The following NHSL1 variants were observed in gnomAD, a reference collection of about 807,000 sequenced individuals.
The protein encoded by NHSL1 is NHS like 1, also known as NHS-like protein 1.
In NHSL1, 48 loss-of-function variants were observed where a neutral mutation model predicts 95.0. The ratio of observed to expected loss-of-function variants is 0.51; its 90% CI spans 0.40 to 0.64. The LOEUF (loss-of-function observed/expected upper bound fraction) is 0.64. Ranked by LOEUF, NHSL1 falls within the 30% of genes least tolerant of loss-of-function variation. The pLI, the probability that NHSL1 is intolerant of heterozygous loss-of-function variation, is 0.00. For synonymous variants in NHSL1, 783 were observed against 833.9 expected, an observed-to-expected ratio of 0.94 and a Z score of 1.05; for missense variants, 1,971 against 2,077.7, an observed-to-expected ratio of 0.95 and a Z score of 1.00.
Position 138,692,167 on chromosome 6 carries a change from C to G in NHSL1, c.96+309G>C, listed in dbSNP as rs1480491223. The stretch of plus-strand genomic sequence containing the variant: ...TGGCTCTCCTCTGTCTACAGCGCCC[C>G]GGGGTCTCCCAAACAGACAGACACA... On this transcript the variant is annotated intron_variant, in intron 1 of 3. Coordinates refer to the NHSL1 transcript ENST00000491526. The surrounding 1 kb of genome is among the most constrained non-coding windows in gnomAD (Gnocchi z 4.0). The G allele has an allele frequency of 4.4e-6, 2 of 456,632 alleles. No homozygotes were observed. Among genetic ancestry groups the G allele is most frequent in the African/African-American group, 4.0e-5 (2 of 50,094 alleles). 28.3% of individuals were successfully genotyped at this position (456,632 alleles called of 1,614,324 possible).
upstream of NHSL1, among the ~76,000 whole-genome samples, chr6:138,573,166 G>A (rs1196706861): frequency 6.6e-6 from 1 of 152,112 alleles, no homozygotes; most frequent in Non-Finnish European, 1.5e-5. Flanking sequence ...CTACGCTAGT[G>A]GCACTTAGCT....
At position 138,432,134 on chromosome 6, in the gene NHSL1, C is replaced by T. The variant is rs941589847; in HGVS notation, c.2211G>A (p.Arg737=). 1 of 1,549,502 alleles carries T rather than the reference C, an allele frequency of 6.5e-7. No individual in the cohort carries two copies. Among genetic ancestry groups the T allele is most frequent in the Non-Finnish European group, 8.7e-7 (1 of 1,145,646 alleles). ...TGCCAGCACTAACTGTGCTCTGGCT[C>T]CGGGAGCGGGGCAGCCAGGGCTCTT... ...DLEEPWLPRS[R]SQSTVSAGSS... The change falls in exon 6 of 8, where the codon CGG becomes CGA. Residue 737 remains arginine, a synonymous_variant. Transcript: ENST00000343505. This position sits in a 1 kb window ranked among gnomAD's most constrained non-coding sequence, Gnocchi z 4.4.
intron 3 of NHSL1, among the ~76,000 whole-genome samples, chr6:138,469,245 ACGTACTATG>A (rs1446806304): frequency 6.6e-6 from 1 of 152,216 alleles, no homozygotes; most frequent in African/African-American, 2.4e-5. Context: ...GCAGCCAATC[ACGTACTATG>A]CGGATGCACA....
At chr6:138,551,687 T>C (rs748036820) in intron 1 of NHSL1, among the ~76,000 whole-genome samples, 1 of 152,180 alleles carries the variant, frequency 6.6e-6, no homozygotes, top group Non-Finnish European at 1.5e-5. Flanking sequence ...AATTATAGCA[T>C]TATAACTTTA....
chr6:138,546,506 G>A (rs2128328736), upstream of NHSL1, among the ~76,000 whole-genome samples: 1 of 151,190 alleles, frequency 6.6e-6, no homozygotes, highest in Admixed American at 6.6e-5. Flanking sequence ...CTACTTGGGA[G>A]GCTGAGGAGG....
intron 1 of NHSL1, among the ~76,000 whole-genome samples, chr6:138,654,770 A>G (rs549270595): frequency 6.6e-6 from 1 of 152,320 alleles, no homozygotes; most frequent in African/African-American, 2.4e-5. Flanking sequence ...AAAAAACACT[A>G]TTCCATGTAT....
intron 1 of NHSL1, among the ~76,000 whole-genome samples, chr6:138,631,078 TGAGGCACTGAACTCA>T (rs1784813124): frequency 6.6e-6 from 1 of 152,134 alleles, no homozygotes; most frequent in Non-Finnish European, 1.5e-5. Flanking sequence ...TCAGCAATTG[TGAGGCACTGAACTCA>T]GTGCTGCTCT....
upstream of NHSL1, among the ~76,000 whole-genome samples, chr6:138,503,036 C>T (rs917972667): frequency 6.6e-6 from 1 of 152,130 alleles, no homozygotes; most frequent in African/African-American, 2.4e-5. Flanking sequence ...TTGCTCTATA[C>T]CCCCTGCTTC....
chr6:138,523,512 T>C (rs911576801), intron 1 of NHSL1, among the ~76,000 whole-genome samples: 5 of 150,958 alleles, frequency 3.3e-5, no homozygotes, highest in African/African-American at 1.2e-4. Flanking sequence ...TCTCGCTACG[T>C]TGCCCAGGCT....
At chr6:138,552,627 T>G (rs1305631015) in intron 1 of NHSL1, among the ~76,000 whole-genome samples, 1 of 152,172 alleles carries the variant, frequency 6.6e-6, no homozygotes, top group East Asian at 1.9e-4. Flanking sequence ...TTTTTCTCTT[T>G]TTTTGTAAGA....
Position 138,639,797 on chromosome 6 carries a change from CAAAAAA to C in NHSL1, c.96+52673_96+52678del, listed in dbSNP as rs56909767. ...CAGGGGACAGAGTGAGACTCAGTCTCAAAAAAAAAAAAAAAAAAAAAAAAAAAAGTT... is the reference window on the plus strand; with the variant it reads ...CAGGGGACAGAGTGAGACTCAGTCTCAAAAAAAAAAAAAAAAAAAAAAGTT... On this transcript the variant is annotated intron_variant, in intron 1 of 3. Coordinates refer to the NHSL1 transcript ENST00000491526. Among the ~76,000 whole-genome samples the C allele has an allele frequency of 1.2e-3, 26 of 22,584 alleles. No individual in the cohort carries two copies. In the East Asian group the frequency reaches 0.021, roughly 18 times the overall value. 14.8% of individuals were successfully genotyped at this position (22,584 alleles called of 152,430 possible). A position where few individuals can be genotyped will look rare whatever the true frequency, so the allele number is the denominator to read the frequency against.
At chr6:138,682,088 ACTC>A (rs2114787092) in intron 1 of NHSL1, among the ~76,000 whole-genome samples, 1 of 150,826 alleles carries the variant, frequency 6.6e-6, no homozygotes, top group South Asian at 2.1e-4. Context: ...TTCAAGCAAT[ACTC>A]CTGCCTCAAC....
chr6:138,478,178 T>C (rs1779206049), intron 2 of NHSL1, among the ~76,000 whole-genome samples: 1 of 152,060 alleles, frequency 6.6e-6, no homozygotes, highest in African/African-American at 2.4e-5. Context: ...CATGCCTGGC[T>C]AATTTTTGGT....
intron 1 of NHSL1, among the ~76,000 whole-genome samples, chr6:138,608,683 A>G (rs558108044): frequency 1.3e-5 from 2 of 152,358 alleles, no homozygotes; most frequent in Non-Finnish European, 2.9e-5. Flanking sequence ...TACGAACTGC[A>G]GTTACTTGTA....
Position 138,530,245 on chromosome 6 carries a change from CA to C in NHSL1, c.16+15377del, listed in dbSNP as rs549863257. Among the ~76,000 whole-genome samples, 7 of 152,294 alleles carry C rather than the reference CA, an allele frequency of 4.6e-5. No homozygotes were observed. The South Asian group carries it at 1.5e-3, about 32-fold the overall frequency. ...CCCAGAGAAATGCAAATTAAAACTG[CA>C]ATGAGATACCACCTTACTCTTGCAA... On this transcript the variant is annotated intron_variant, in intron 1 of 4. Transcript: ENST00000342260.
At chr6:138,573,174 G>A (rs772024563), upstream of NHSL1, among the ~76,000 whole-genome samples, 112 of 152,174 alleles carry the variant, frequency 7.4e-4, no homozygotes, top group Admixed American at 2.5e-3. Flanking sequence ...GTGGCACTTA[G>A]CTGCAGGCTC....
intron 1 of NHSL1, among the ~76,000 whole-genome samples, chr6:138,651,999 A>G (rs1159869489): frequency 6.6e-6 from 1 of 152,254 alleles, no homozygotes; most frequent in East Asian, 1.9e-4. Context: ...ATGAAACTGT[A>G]TCAGAACATT....
chr6:138,687,020 C>T (rs1038108637), intron 1 of NHSL1, among the ~76,000 whole-genome samples: 3 of 152,096 alleles, frequency 2.0e-5, no homozygotes, highest in Admixed American at 6.5e-5. Context: ...GAGGGGGGTG[C>T]GGGCCACACA....
chr6:138,475,453 C>G (rs1273172407), intron 2 of NHSL1, among the ~76,000 whole-genome samples: 5 of 151,958 alleles, frequency 3.3e-5, no homozygotes, highest in African/African-American at 1.2e-4. Context: ...GTCTTAAACT[C>G]CTGGACTCAA....
Sources: gnomAD v4.1 joint callset for allele counts (sites outside exome capture counted in the v4.1 genomes callset) on GRCh38, gnomAD v4.1.1 for gene constraint, Gnocchi (gnomAD v3.1) non-coding constraint, MANE v1.5 for transcripts, NCBI Gene and HGNC (gene_info 2026-07-23, HGNC 2026-07-21) for gene names.